Variants in CELF2 observed in about 807,000 individuals in gnomAD.
CELF2 encodes the protein CUG triplet repeat RNA-binding protein 2.
Under a neutral mutation model 62.6 loss-of-function variants are expected in CELF2, and 8 were observed. The ratio of observed to expected loss-of-function variants is 0.13; its 90% CI spans 0.07 to 0.23. The LOEUF is 0.23. Among genes scored for constraint, CELF2 ranks in the 10% least tolerant of loss-of-function variants. CELF2 has a pLI of 1.00. For synonymous variants in CELF2, 258 were observed against 250.0 expected (o/e 1.03, Z -0.30); for missense variants, 333 against 671.0 (o/e 0.50, Z 5.56).
At chr10:11,014,723 C>T (rs985992735), upstream of CELF2, among the ~76,000 whole-genome samples, 1 of 152,076 alleles carries the variant, frequency 6.6e-6, no homozygotes, top group Admixed American at 6.5e-5. Context: ...GCTGAAACTG[C>T]ACAGTGCTTT....
the CELF2 span, among the ~76,000 whole-genome samples, chr10:10,643,207 G>A: frequency 8.5e-5 from 13 of 152,160 alleles, no homozygotes; most frequent in Admixed American, 8.5e-4. Flanking sequence ...TGTAAAGGTA[G>A]TGATAGGGTT....
chr10:11,141,100 G>A (rs754329828), intron 1 of CELF2, among the ~76,000 whole-genome samples: 6 of 152,142 alleles, frequency 3.9e-5, no homozygotes, highest in Non-Finnish European at 8.8e-5. Flanking sequence ...ACCACATGCC[G>A]GGCGCTGTGC....
intron 8 of CELF2, among the ~76,000 whole-genome samples, chr10:11,281,386 GTC>G (rs1473760142): frequency 6.6e-6 from 1 of 152,184 alleles, no homozygotes; most frequent in Non-Finnish European, 1.5e-5. Context: ...GCGGACGAGG[GTC>G]TGTCTGGTCA....
chr10:10,589,655 C>T, the CELF2 span, among the ~76,000 whole-genome samples: 4 of 152,146 alleles, frequency 2.6e-5, no homozygotes, highest in African/African-American at 7.2e-5. Context: ...CAGGTGAGTG[C>T]CTGGCCAAGC....
chr10:10,553,935 T>A, the CELF2 span, among the ~76,000 whole-genome samples: 1 of 152,116 alleles, frequency 6.6e-6, no homozygotes, highest in Non-Finnish European at 1.5e-5. Context: ...CAGAAGGGAT[T>A]TACACAAAGT....
At chr10:11,264,676 C>T (rs2138270201) in intron 5 of CELF2, among the ~76,000 whole-genome samples, 1 of 152,364 alleles carries the variant, frequency 6.6e-6, no homozygotes, top group African/African-American at 2.4e-5. Flanking sequence ...CCTCAGAGCT[C>T]AGCATCAGTA....
chr10:10,932,670 A>ATG (rs1264193230), intron 2 of CELF2, among the ~76,000 whole-genome samples: 1 of 120,554 alleles, frequency 8.3e-6, no homozygotes, highest in African/African-American at 2.9e-5. Flanking sequence ...GTAAATATGT[A>ATG]TGTGTATGTG....
the CELF2 span, among the ~76,000 whole-genome samples, chr10:10,561,753 C>T: frequency 2.6e-5 from 4 of 152,120 alleles, no homozygotes; most frequent in African/African-American, 4.8e-5. Flanking sequence ...TTGTACATAT[C>T]TGAGATCCTC....
At chr10:10,560,853 A>G in the CELF2 span, among the ~76,000 whole-genome samples, 1 of 152,214 alleles carries the variant, frequency 6.6e-6, no homozygotes, top group Non-Finnish European at 1.5e-5. Flanking sequence ...GGAATGAATT[A>G]ACAGCATTTT....
chr10:10,602,925 T>G, the CELF2 span, among the ~76,000 whole-genome samples: 1 of 152,152 alleles, frequency 6.6e-6, no homozygotes, highest in Non-Finnish European at 1.5e-5. Flanking sequence ...TAACTGGCAT[T>G]CGTTGAGGGA....
At chr10:10,932,780 T>C (rs2066218305) in intron 2 of CELF2, among the ~76,000 whole-genome samples, 1 of 152,054 alleles carries the variant, frequency 6.6e-6, no homozygotes, top group Admixed American at 6.6e-5. Flanking sequence ...ATTTTTCATA[T>C]GGCAATTGAA....
intron 1 of CELF2, among the ~76,000 whole-genome samples, chr10:10,814,793 A>G (rs1318887341): frequency 6.6e-6 from 1 of 152,214 alleles, no homozygotes; most frequent in African/African-American, 2.4e-5. Context: ...ACTATCTCCA[A>G]TTATGCAACA....
chr10:11,285,838 T>G lies in CELF2; in HGVS notation c.842-2580T>G, dbSNP rs1265557133. On this transcript the variant is annotated intron_variant, in intron 8 of 12. Transcript: ENST00000633077. The surrounding 1 kb of genome is among the most constrained non-coding windows in gnomAD (Gnocchi z 4.3). Reference sequence around the variant, plus strand: ...TACTATATATATTGGTGTGTGTGTGTGTGTGTGTGTGTGTGTGTGTGTGTG... The same window carrying G: ...TACTATATATATTGGTGTGTGTGTGGGTGTGTGTGTGTGTGTGTGTGTGTG... Among the ~76,000 whole-genome samples, 1 of 110,104 alleles carries G rather than the reference T, an allele frequency of 9.1e-6. No individual in the cohort carries two copies. The highest frequency in any genetic ancestry group is 4.2e-5 in the African/African-American group (1 of 23,560). The allele number at this position is 110,104 out of a possible 152,430, so 72.2% of individuals were successfully genotyped here.
intron 1 of CELF2, among the ~76,000 whole-genome samples, chr10:10,896,543 C>T (rs114471542): frequency 0.015 from 2,298 of 151,228 alleles, 73 homozygotes; most frequent in African/African-American, 0.053. Flanking sequence ...TCCAATATGG[C>T]CAGTATTCTT....
intron 8 of CELF2, among the ~76,000 whole-genome samples, chr10:11,276,606 C>T (rs1331229407): frequency 1.3e-5 from 2 of 152,196 alleles, no homozygotes; most frequent in Admixed American, 6.5e-5. Flanking sequence ...ACACTTTCAG[C>T]CCACGGGAGA....
chr10:11,327,776 C>T (rs1021733262), intron 12 of CELF2, among the ~76,000 whole-genome samples: 14 of 152,166 alleles, frequency 9.2e-5, no homozygotes, highest in African/African-American at 1.9e-4. Context: ...AGCGTTATGC[C>T]GCATGCCCAT....
In CELF2 at chr10:11,046,453, A is replaced by C. The variant is rs2062861603; in HGVS notation, c.74+28290A>C. ...ACTGCCTCTGATGACACCGAAATGA[A>C]ATATAAAGGGAAGATAAAGTATATT... On this transcript the variant is annotated intron_variant, in intron 1 of 12. Coordinates refer to ENST00000633077, the MANE Select transcript of CELF2 (RefSeq NM_001326342.2). The surrounding 1 kb of genome is among the most constrained non-coding windows in gnomAD (Gnocchi z 4.6). 6.6e-6 allele frequency among the ~76,000 whole-genome samples: 1 copy of C among 152,208 alleles called. No homozygotes were observed. The highest frequency in any genetic ancestry group is 1.5e-5 in the Non-Finnish European group (1 of 68,030).
At chr10:10,740,153 CTTT>C in the CELF2 span, among the ~76,000 whole-genome samples, 11 of 94,448 alleles carry the variant, frequency 1.2e-4, no homozygotes, top group African/African-American at 2.2e-4. Flanking sequence ...GTTGCCTGTG[CTTT>C]TTTTTTTTTT....
chr10:11,174,812 G>A (rs2070402319), intron 2 of CELF2, among the ~76,000 whole-genome samples: 1 of 152,026 alleles, frequency 6.6e-6, no homozygotes, highest in African/African-American at 2.4e-5. Flanking sequence ...TTAGCTTTTG[G>A]GGAAAAAATC....
Sources: gnomAD v4.1 joint callset for allele counts (sites outside exome capture counted in the v4.1 genomes callset) on GRCh38, gnomAD v4.1.1 for gene constraint, Gnocchi (gnomAD v3.1) non-coding constraint, MANE v1.5 for transcripts, NCBI Gene and HGNC (gene_info 2026-07-23, HGNC 2026-07-21) for gene names.